Variants in EPM2A observed in about 807,000 individuals in gnomAD.
EPM2A encodes EPM2A glucan phosphatase, laforin, also known as laforin.
Under a neutral mutation model 26.5 loss-of-function variants are expected in EPM2A, and 21 were observed. The ratio of observed to expected loss-of-function variants is 0.79; its 90% CI spans 0.56 to 1.14. The LOEUF (loss-of-function observed/expected upper bound fraction) is 1.14, where lower values mean the gene tolerates loss of function less well. Among genes scored for constraint, EPM2A ranks in the 50% most tolerant of loss-of-function variants. EPM2A has a pLI of 0.00. For synonymous variants in EPM2A, 217 were observed against 177.6 expected (o/e 1.22, Z -1.76); for missense variants, 458 against 440.8 (o/e 1.04, Z -0.35).
In EPM2A at chr6:145,698,157, C is replaced by T. The variant is rs370094049; in HGVS notation, c.302-11861G>A. On this transcript the variant is annotated intron_variant, in intron 1 of 3. Coordinates refer to ENST00000367519, the MANE Select transcript of EPM2A (RefSeq NM_005670.4). ...TCAGCCAGTCCCTCCGTTCAGGGTC[C>T]CTGACCTCCCGCAACAATTTGTTCT... Among the ~76,000 whole-genome samples the T allele has an allele frequency of 2.0e-5, 3 of 152,164 alleles. No individual in the cohort carries two copies. In the East Asian group the frequency reaches 5.8e-4, roughly 29 times the overall value.
chr6:145,411,261 A>G (rs984022959), intron 4 of EPM2A, among the ~76,000 whole-genome samples: 3 of 152,234 alleles, frequency 2.0e-5, no homozygotes, highest in African/African-American at 7.2e-5. Context: ...TCTTTCTATG[A>G]TGACAATATA....
At chr6:145,586,514 T>C (rs1275773073) in intron 2 of EPM2A, among the ~76,000 whole-genome samples, 1 of 152,194 alleles carries the variant, frequency 6.6e-6, no homozygotes, top group African/African-American at 2.4e-5. Context: ...TCCTTTTAAT[T>C]TATATTAATT....
intron 2 of EPM2A, among the ~76,000 whole-genome samples, chr6:145,579,646 C>T (rs1417556947): frequency 1.3e-5 from 2 of 152,032 alleles, no homozygotes; most frequent in Non-Finnish European, 1.5e-5. Context: ...ACAATATATG[C>T]CTTTAAATGA....
intron 2 of EPM2A, among the ~76,000 whole-genome samples, chr6:145,645,136 T>C (rs75629784): frequency 0.021 from 3,177 of 152,316 alleles, 47 homozygotes; most frequent in Admixed American, 0.031. Context: ...TACAGTTTTA[T>C]TTAAGATCAT....
chr6:145,717,608 T>A (rs1775707479), intron 1 of EPM2A, among the ~76,000 whole-genome samples: 2 of 152,152 alleles, frequency 1.3e-5, no homozygotes, highest in Non-Finnish European at 2.9e-5. Context: ...GTGTTGGAAG[T>A]TCTGGCCACG....
chr6:145,424,939 A>G (rs1455398572), intron 4 of EPM2A, among the ~76,000 whole-genome samples: 3 of 151,944 alleles, frequency 2.0e-5, no homozygotes, highest in Non-Finnish European at 4.4e-5. Context: ...TAGCAGCCCC[A>G]ATGGACTAAG....
At chr6:145,447,165 T>C (rs1164311215) in intron 4 of EPM2A, among the ~76,000 whole-genome samples, 1 of 152,142 alleles carries the variant, frequency 6.6e-6, no homozygotes, top group Non-Finnish European at 1.5e-5. Context: ...ACTCAATAAA[T>C]ATTTCTGAAG....
intron 1 of EPM2A, among the ~76,000 whole-genome samples, chr6:145,709,406 GT>G (rs1419151238): frequency 6.6e-6 from 1 of 152,124 alleles, no homozygotes; most frequent in Non-Finnish European, 1.5e-5. Context: ...CTCTCATCCT[GT>G]TCTCGTGCTA....
chr6:145,618,980 G>C (rs964370808), intron 2 of EPM2A, among the ~76,000 whole-genome samples: 2 of 152,186 alleles, frequency 1.3e-5, no homozygotes, highest in Non-Finnish European at 2.9e-5. Context: ...AGCGTGGACA[G>C]AGGGGAGTAG....
At chr6:145,485,535 C>T (rs1467530862) in intron 4 of EPM2A, among the ~76,000 whole-genome samples, 1 of 152,026 alleles carries the variant, frequency 6.6e-6, no homozygotes. Context: ...GGGAAGGAAG[C>T]AAACAGGGTT....
At chr6:145,472,439 G>A (rs1779486927) in intron 4 of EPM2A, among the ~76,000 whole-genome samples, 1 of 149,046 alleles carries the variant, frequency 6.7e-6, no homozygotes, top group South Asian at 2.1e-4. Flanking sequence ...AGCCACGGGG[G>A]GTAGAGTACC....
intron 2 of EPM2A, among the ~76,000 whole-genome samples, chr6:145,510,907 T>C (rs1780046373): frequency 6.6e-6 from 1 of 151,894 alleles, no homozygotes; most frequent in Admixed American, 6.6e-5. Flanking sequence ...ACAACAAAGG[T>C]GACATTACAA....
At chr6:145,623,627 T>C (rs78236743), downstream of EPM2A, among the ~76,000 whole-genome samples, 1,162 of 152,286 alleles carry the variant, frequency 7.6e-3, 18 homozygotes, top group African/African-American at 0.026. Flanking sequence ...GTGAGAGTCA[T>C]TGGAGCTTTT....
At chr6:145,656,634 A>G (rs780826303) in intron 2 of EPM2A, among the ~76,000 whole-genome samples, 4 of 151,238 alleles carry the variant, frequency 2.6e-5, no homozygotes, top group Non-Finnish European at 5.9e-5. Context: ...GGCTTGATCA[A>G]TATCAGGTTT....
intron 2 of EPM2A, among the ~76,000 whole-genome samples, chr6:145,648,667 G>A (rs1777660941): frequency 6.6e-6 from 1 of 152,146 alleles, no homozygotes; most frequent in South Asian, 2.1e-4. Flanking sequence ...CAGAATATCT[G>A]AGGCAGTGGG....
rs187360688 is a variant in EPM2A, at chr6:145,689,018, A to C, written c.302-2722T>G. Among the ~76,000 whole-genome samples the C allele has an allele frequency of 4.7e-3, 719 of 152,350 alleles. 6 individuals are homozygous for C. The highest frequency in any genetic ancestry group is 0.02 in the Middle Eastern group (6 of 294). ...AGTATAATTGACTTACAACAATTGA[A>C]TTATTACCTATTAAAAATATAATTG... On this transcript the variant is annotated intron_variant, in intron 1 of 3. Coordinates refer to ENST00000367519, the MANE Select transcript of EPM2A (RefSeq NM_005670.4).
intron 2 of EPM2A, among the ~76,000 whole-genome samples, chr6:145,531,214 C>T (rs1273285474): frequency 6.6e-6 from 1 of 152,126 alleles, no homozygotes. Context: ...CAGGATGGCT[C>T]CCTGCAGGGA....
intron 4 of EPM2A, chr6:145,490,770 A>C (rs958285990): frequency 1.8e-6 from 1 of 562,126 alleles, no homozygotes; most frequent in Non-Finnish European, 3.5e-6. Flanking sequence ...ACATGTGACA[A>C]CTGACGTTCC....
intron 4 of EPM2A, among the ~76,000 whole-genome samples, chr6:145,477,194 G>A (rs1252403073): frequency 6.6e-6 from 1 of 151,416 alleles, no homozygotes; most frequent in African/African-American, 2.4e-5. Flanking sequence ...AATGGACAAA[G>A]TCTCAGATAT....
Sources: gnomAD v4.1 joint callset for allele counts (sites outside exome capture counted in the v4.1 genomes callset) on GRCh38, gnomAD v4.1.1 for gene constraint, MANE v1.5 for transcripts, NCBI Gene and HGNC (gene_info 2026-07-23, HGNC 2026-07-21) for gene names.